The following SGCZ variants were observed in gnomAD, a reference collection of about 807,000 sequenced individuals.
The protein encoded by SGCZ is sarcoglycan zeta.
In SGCZ, 40 loss-of-function variants were observed where a neutral mutation model predicts 41.3. That is an observed-to-expected ratio of 0.97 (90% CI 0.75 to 1.26). SGCZ has a LOEUF of 1.26. Ranked by LOEUF, SGCZ falls within the 50% of genes most tolerant of loss-of-function variation. The pLI, the probability that SGCZ is intolerant of heterozygous loss-of-function variation, is 0.00. For synonymous variants in SGCZ, 206 were observed against 137.5 expected, an observed-to-expected ratio of 1.50 and a Z score of -3.49; for missense variants, 552 against 369.8, an observed-to-expected ratio of 1.49 and a Z score of -4.04.
chr8:14,519,067 T>TAAAAA (rs58653228), intron 2 of SGCZ, among the ~76,000 whole-genome samples: 1,810 of 113,482 alleles, frequency 0.016, 18 homozygotes, highest in East Asian at 0.063. Context: ...AGACTCTGTC[T>TAAAAA]AAAAAAAAAA....
intron 7 of SGCZ, among the ~76,000 whole-genome samples, chr8:14,102,076 TTA>T (rs55667194): frequency 0.42 from 49,716 of 119,708 alleles, 11,286 homozygotes; most frequent in Non-Finnish European, 0.55. Flanking sequence ...TTGGCTAACT[TTA>T]TATATATATA....
At chr8:14,459,595 T>C (rs896327608) in intron 2 of SGCZ, among the ~76,000 whole-genome samples, 3 of 152,080 alleles carry the variant, frequency 2.0e-5, no homozygotes, top group Non-Finnish European at 4.4e-5. Context: ...AAAGTATCTA[T>C]CTCAAGACAT....
intron 1 of SGCZ, among the ~76,000 whole-genome samples, chr8:14,711,617 A>G (rs1433284743): frequency 6.7e-6 from 1 of 148,930 alleles, no homozygotes; most frequent in Non-Finnish European, 1.5e-5. Context: ...AAAAAAAAAA[A>G]AAAGCCTATA....
intron 1 of SGCZ, among the ~76,000 whole-genome samples, chr8:14,924,328 G>A (rs531141560): frequency 1.3e-5 from 2 of 152,024 alleles, no homozygotes; most frequent in South Asian, 4.2e-4. Context: ...CAATTACTTT[G>A]TAGACCTGCT....
intron 4 of SGCZ, among the ~76,000 whole-genome samples, chr8:14,179,935 C>T (rs147835738): frequency 6.6e-6 from 1 of 152,276 alleles, no homozygotes; most frequent in East Asian, 1.9e-4. Flanking sequence ...ATGAACCAAA[C>T]ATATTGGTGA....
chr8:14,974,388 G>T (rs1159449075), intron 1 of SGCZ, among the ~76,000 whole-genome samples: 1 of 152,098 alleles, frequency 6.6e-6, no homozygotes, highest in Non-Finnish European at 1.5e-5. Context: ...ACATACAACT[G>T]GGAACTTGAA....
At chr8:14,592,009 G>C (rs1027273861) in intron 1 of SGCZ, among the ~76,000 whole-genome samples, 1 of 152,040 alleles carries the variant, frequency 6.6e-6, no homozygotes. Flanking sequence ...GTCTACAAAG[G>C]AGCAATAAAA....
At chr8:15,057,041 G>T (rs916417624) in intron 1 of SGCZ, among the ~76,000 whole-genome samples, 2 of 152,206 alleles carry the variant, frequency 1.3e-5, no homozygotes, top group African/African-American at 4.8e-5. Context: ...CAGCCATGAT[G>T]GATGTGTGGG....
intron 1 of SGCZ, among the ~76,000 whole-genome samples, chr8:15,177,121 G>C (rs2117077628): frequency 6.6e-6 from 1 of 152,276 alleles, no homozygotes; most frequent in African/African-American, 2.4e-5. Flanking sequence ...CCTTTCCAGG[G>C]AGAGCAAATT....
At chr8:14,693,490 C>A (rs1213245327) in intron 1 of SGCZ, among the ~76,000 whole-genome samples, 5 of 150,870 alleles carry the variant, frequency 3.3e-5, no homozygotes, top group African/African-American at 7.3e-5. Flanking sequence ...CAGGGTTTCA[C>A]CATGTTGGTC....
chr8:14,227,998 G>A (rs191873578), intron 4 of SGCZ, among the ~76,000 whole-genome samples: 1 of 151,518 alleles, frequency 6.6e-6, no homozygotes, highest in East Asian at 1.9e-4. Context: ...TCTGGGCTTG[G>A]GTGCCACCTC....
intron 1 of SGCZ, among the ~76,000 whole-genome samples, chr8:14,602,091 G>A (rs938110915): frequency 6.6e-6 from 1 of 152,084 alleles, no homozygotes; most frequent in Non-Finnish European, 1.5e-5. Context: ...CTGCACTCCA[G>A]CCTGGGCGAC....
intron 2 of SGCZ, among the ~76,000 whole-genome samples, chr8:14,404,293 T>A (rs1230564380): frequency 6.6e-6 from 1 of 152,208 alleles, no homozygotes; most frequent in Non-Finnish European, 1.5e-5. Context: ...AAGGATTATA[T>A]TATGCCAAAT....
At chr8:15,147,335 A>G (rs1027956806) in intron 1 of SGCZ, among the ~76,000 whole-genome samples, 5 of 152,170 alleles carry the variant, frequency 3.3e-5, no homozygotes, top group Non-Finnish European at 4.4e-5. Context: ...CTGGAGTGCA[A>G]TGGCACCATT....
chr8:14,906,211 A>C (rs1048071186), intron 1 of SGCZ, among the ~76,000 whole-genome samples: 2 of 152,146 alleles, frequency 1.3e-5, no homozygotes, highest in Admixed American at 6.6e-5. Flanking sequence ...AATTTTGAAG[A>C]CGCTCCCTAG....
chr8:14,527,094 A>G (rs1242201298), intron 2 of SGCZ, among the ~76,000 whole-genome samples: 4 of 152,150 alleles, frequency 2.6e-5, no homozygotes, highest in African/African-American at 7.2e-5. Flanking sequence ...TGAATTTCAC[A>G]TGTGACATGA....
At chr8:14,637,242 C>T (rs1364015810) in intron 1 of SGCZ, among the ~76,000 whole-genome samples, 1 of 151,810 alleles carries the variant, frequency 6.6e-6, no homozygotes, top group Non-Finnish European at 1.5e-5. Context: ...GTCAACCAAA[C>T]ACTCTACCAG....
At chr8:14,168,685 C>G (rs949711060) in intron 4 of SGCZ, among the ~76,000 whole-genome samples, 8 of 152,150 alleles carry the variant, frequency 5.3e-5, no homozygotes, top group Non-Finnish European at 1.5e-5. Context: ...TATGTCTTTA[C>G]TAGCAGTGTG....
Position 14,508,482 on chromosome 8 carries a change from G to A in SGCZ, c.234+46250C>T, listed in dbSNP as rs114375747. Reference sequence around the variant, plus strand: ...TGGGACCCCAGAGACAGAACCCTCGGAGGCTTTGCATGTTAATCTTGTTTT... The same window carrying A: ...TGGGACCCCAGAGACAGAACCCTCGAAGGCTTTGCATGTTAATCTTGTTTT... On this transcript the variant is annotated intron_variant, in intron 2 of 7. Coordinates refer to ENST00000382080, the MANE Select transcript of SGCZ (RefSeq NM_139167.4). Among the ~76,000 whole-genome samples, 1,388 of 152,218 alleles carry A rather than the reference G, an allele frequency of 9.1e-3. 25 individuals are homozygous for A. The highest frequency in any genetic ancestry group is 0.032 in the African/African-American group (1,335 of 41,558).
Sources: gnomAD v4.1 joint callset for allele counts (sites outside exome capture counted in the v4.1 genomes callset) on GRCh38, gnomAD v4.1.1 for gene constraint, MANE v1.5 for transcripts, NCBI Gene and HGNC (gene_info 2026-07-23, HGNC 2026-07-21) for gene names.